The following NKAIN3 variants were observed in gnomAD, a reference collection of about 807,000 sequenced individuals.
NKAIN3 encodes the protein sodium/potassium-transporting ATPase subunit beta-1-interacting protein 3.
Under a neutral mutation model 30.2 loss-of-function variants are expected in NKAIN3, and 25 were observed. The observed-to-expected ratio is 0.83, with a 90% CI of 0.60 to 1.16. The LOEUF is 1.16. Among genes scored for constraint, NKAIN3 ranks in the 50% most tolerant of loss-of-function variants. NKAIN3 has a pLI of 0.00. For missense variants in NKAIN3, 225 were observed against 254.1 expected (o/e 0.89, Z 0.78); for synonymous variants, 91 against 89.6 (o/e 1.02, Z -0.09).
At chr8:62,816,881 A>G (rs575999637) in intron 4 of NKAIN3, among the ~76,000 whole-genome samples, 77 of 152,266 alleles carry the variant, frequency 5.1e-4, no homozygotes, top group Admixed American at 1.4e-3. Context: ...ATGTAGACAC[A>G]TGGATTCCAG....
At chr8:62,716,696 GA>G in intron 3 of NKAIN3, among the ~76,000 whole-genome samples, 1 of 151,550 alleles carries the variant, frequency 6.6e-6, no homozygotes, top group East Asian at 1.9e-4. Context: ...AACATTAATA[GA>G]TATACAGAGT....
In NKAIN3 at chr8:62,297,209, C is replaced by T. The variant is rs190591382; in HGVS notation, c.54+48082C>T. ...AAGACTTAAATGTTAGACTTAAAAC[C>T]ATAAAAACCCTAGAAGAAAACCTAG... On this transcript the variant is annotated intron_variant, in intron 1 of 6. Coordinates refer to ENST00000623646, the MANE Select transcript of NKAIN3 (RefSeq NM_001304533.3). 8.5e-3 allele frequency among the ~76,000 whole-genome samples: 1,293 copies of T among 152,124 alleles called. 24 individuals carry two copies. The highest frequency in any genetic ancestry group is 0.035 in the Admixed American group (541 of 15,270).
chr8:62,895,674 C>G (rs1458959550), intron 4 of NKAIN3, among the ~76,000 whole-genome samples: 2 of 152,072 alleles, frequency 1.3e-5, no homozygotes, highest in East Asian at 1.9e-4. Flanking sequence ...TAGAGTAAAC[C>G]AGCACCAGTT....
chr8:62,623,948 A>G (rs908212522), intron 3 of NKAIN3, among the ~76,000 whole-genome samples: 4 of 152,106 alleles, frequency 2.6e-5, no homozygotes, highest in Admixed American at 2.6e-4. Context: ...CGAAGGGTGG[A>G]TTATTCATGA....
intron 4 of NKAIN3, among the ~76,000 whole-genome samples, chr8:62,780,576 A>T (rs1817326272): frequency 6.6e-6 from 1 of 152,148 alleles, no homozygotes; most frequent in Non-Finnish European, 1.5e-5. Context: ...CATATCAAAA[A>T]AATAATATAC....
At chr8:62,719,753 C>CTTTTTTTT (rs60637445) in intron 3 of NKAIN3, among the ~76,000 whole-genome samples, 15 of 90,430 alleles carry the variant, frequency 1.7e-4, no homozygotes, top group African/African-American at 2.0e-4. Context: ...ACATTTCTTT[C>CTTTTTTTT]TTTTTTTTTT....
chr8:62,349,215 G>A (rs532084473), intron 1 of NKAIN3, among the ~76,000 whole-genome samples: 1 of 152,254 alleles, frequency 6.6e-6, no homozygotes, highest in South Asian at 2.1e-4. Context: ...ACAGTTGCTT[G>A]GAGGGTCCAG....
intron 1 of NKAIN3, among the ~76,000 whole-genome samples, chr8:62,457,434 T>C (rs920661151): frequency 2.6e-5 from 4 of 152,304 alleles, no homozygotes; most frequent in Non-Finnish European, 5.9e-5. Flanking sequence ...AACATTGCAG[T>C]GATGGGTGAT....
intron 1 of NKAIN3, among the ~76,000 whole-genome samples, chr8:62,408,836 CTT>C (rs1308102115): frequency 6.6e-6 from 1 of 152,116 alleles, no homozygotes; most frequent in African/African-American, 2.4e-5. Flanking sequence ...AAAATTCTAA[CTT>C]TGCTTTAAAA....
intron 1 of NKAIN3, among the ~76,000 whole-genome samples, chr8:62,439,587 T>C (rs572142680): frequency 3.3e-5 from 5 of 152,348 alleles, no homozygotes; most frequent in African/African-American, 1.2e-4. Flanking sequence ...CTCATGTTAC[T>C]TTCTATGTCA....
At chr8:62,819,410 A>G (rs1818786400) in intron 4 of NKAIN3, among the ~76,000 whole-genome samples, 1 of 151,914 alleles carries the variant, frequency 6.6e-6, no homozygotes, top group Admixed American at 6.6e-5. Flanking sequence ...TGCTAATTCT[A>G]TGTTTGGAAA....
intron 5 of NKAIN3, among the ~76,000 whole-genome samples, chr8:62,996,810 G>C (rs776266405): frequency 5.9e-5 from 9 of 152,172 alleles, no homozygotes; most frequent in Admixed American, 2.0e-4. Flanking sequence ...GATCTCCTTT[G>C]ACTCCATGTC....
intron 1 of NKAIN3, among the ~76,000 whole-genome samples, chr8:62,503,949 T>C (rs533997023): frequency 6.6e-5 from 10 of 152,286 alleles, no homozygotes; most frequent in African/African-American, 2.2e-4. Flanking sequence ...TTTACGAAGA[T>C]AACAGGATTG....
At chr8:62,430,528 C>T (rs916188626) in intron 1 of NKAIN3, among the ~76,000 whole-genome samples, 1 of 151,612 alleles carries the variant, frequency 6.6e-6, no homozygotes, top group Non-Finnish European at 1.5e-5. Flanking sequence ...CTGTTTTCCA[C>T]AGTGGCTATA....
At chr8:62,949,439 G>A (rs1432258270) in intron 5 of NKAIN3, among the ~76,000 whole-genome samples, 1 of 152,218 alleles carries the variant, frequency 6.6e-6, no homozygotes, top group Non-Finnish European at 1.5e-5. Flanking sequence ...AATTCCTTCA[G>A]TTCTGTGAGA....
chr8:62,926,176 A>AT (rs778599264), intron 5 of NKAIN3, among the ~76,000 whole-genome samples: 1 of 152,208 alleles, frequency 6.6e-6, no homozygotes, highest in Non-Finnish European at 1.5e-5. Flanking sequence ...AAAGAAAAAA[A>AT]TGGACTGTAA....
intron 4 of NKAIN3, among the ~76,000 whole-genome samples, chr8:62,806,660 C>T (rs535535118): frequency 1.3e-5 from 2 of 151,676 alleles, no homozygotes; most frequent in South Asian, 2.1e-4. Flanking sequence ...GTTGTGGGGT[C>T]GCGGGAGTGG....
chr8:62,468,842 G>A (rs754773836), intron 1 of NKAIN3, among the ~76,000 whole-genome samples: 25 of 152,140 alleles, frequency 1.6e-4, no homozygotes, highest in African/African-American at 4.6e-4. Context: ...GTCATCCCCC[G>A]TCTTAATTCC....
At chr8:62,742,543 T>C (rs1439035059) in intron 3 of NKAIN3, among the ~76,000 whole-genome samples, 1 of 152,240 alleles carries the variant, frequency 6.6e-6, no homozygotes, top group African/African-American at 2.4e-5. Flanking sequence ...TCTGCTACCC[T>C]GGACATATGC....
Sources: allele counts gnomAD v4.1 joint callset (sites outside exome capture counted in the v4.1 genomes callset), GRCh38; gene constraint gnomAD v4.1.1; transcripts MANE v1.5; gene names NCBI Gene and HGNC (gene_info 2026-07-23, HGNC 2026-07-21).